WT1: variants seen among roughly 807,000 people sequenced by gnomAD.
WT1 encodes the protein WT1 transcription factor, also known as Wilms tumor protein.
A neutral mutation model predicts 60.8 loss-of-function variants in WT1; 8 were observed. The ratio of observed to expected loss-of-function variants is 0.13; its 90% CI spans 0.08 to 0.24. The LOEUF is 0.24. Among genes scored for constraint, WT1 ranks in the 10% least tolerant of loss-of-function variants. The pLI, the probability that WT1 is intolerant of heterozygous loss-of-function variation, is 1.00. For missense variants in WT1, 568 were observed against 711.8 expected (o/e 0.80, Z 2.30); for synonymous variants, 312 against 297.1 (o/e 1.05, Z -0.52).
intron 5 of WT1, among the ~76,000 whole-genome samples, chr11:32,406,712 T>G (rs1852322971): frequency 6.6e-6 from 1 of 152,222 alleles, no homozygotes; most frequent in Admixed American, 6.5e-5. Flanking sequence ...GCTTCACTTC[T>G]GGCAGTGGCC....
chr11:32,406,642 T>A (rs1041345867), intron 5 of WT1, among the ~76,000 whole-genome samples: 1 of 152,172 alleles, frequency 6.6e-6, no homozygotes, highest in African/African-American at 2.4e-5. Flanking sequence ...TATATATATT[T>A]ATTTCTATTG....
At chr11:32,403,765 C>T (rs1395473473) in intron 5 of WT1, among the ~76,000 whole-genome samples, 4 of 151,660 alleles carry the variant, frequency 2.6e-5, no homozygotes, top group African/African-American at 4.8e-5. Flanking sequence ...TTAGTAGAGA[C>T]GGGGTTTCAA....
At chr11:32,430,733 C>T (rs1050642638) in intron 1 of WT1, 12 of 1,355,774 alleles carry the variant, frequency 8.9e-6, no homozygotes, top group African/African-American at 4.4e-5. Flanking sequence ...CCTCCCAGAC[C>T]GGACACGCAG....
chr11:32,423,595 T>C (rs773157673), intron 3 of WT1, among the ~76,000 whole-genome samples: 7 of 152,206 alleles, frequency 4.6e-5, no homozygotes, highest in African/African-American at 1.7e-4. Flanking sequence ...CTTATCCATC[T>C]AGAGAGAAAG....
intron 5 of WT1, among the ~76,000 whole-genome samples, chr11:32,410,122 G>C (rs919300494): frequency 6.6e-5 from 10 of 152,108 alleles, no homozygotes; most frequent in South Asian, 4.2e-4. Context: ...TAGAGAACAG[G>C]GTTTCGCCAC....
At chr11:32,418,013 G>A (rs930545059) in intron 3 of WT1, among the ~76,000 whole-genome samples, 5 of 152,048 alleles carry the variant, frequency 3.3e-5, no homozygotes, top group Admixed American at 2.0e-4. Flanking sequence ...TTAAAAGCCT[G>A]GAGCTGAAAG....
chr11:32,388,054 T>C lies in WT1; in HGVS notation c.*1004A>G, dbSNP rs1233552547. 2.5e-5 allele frequency: 6 copies of C among 236,258 alleles called. No homozygotes were observed. Among genetic ancestry groups the C allele is most frequent in the African/African-American group, 1.3e-4 (6 of 45,028 alleles). The allele number at this position is 236,258 out of a possible 1,614,324, so 14.6% of individuals were successfully genotyped here. A position where few individuals can be genotyped will look rare whatever the true frequency, so the allele number is the denominator to read the frequency against. ...CACACACACGACCATCTTTAAACAA[T>C]GGATTTCCTCACCCAGTAAGTCTCA... On this transcript the variant is annotated 3_prime_UTR_variant, in exon 10 of 10. Coordinates refer to ENST00000452863, the MANE Select transcript of WT1 (RefSeq NM_024426.6).
rs1485992444 is a variant in WT1 at position 32,434,992 on chromosome 11, C to A, written c.369G>T (p.Ser123=). 4 of 1,509,428 alleles carry A rather than the reference C, an allele frequency of 2.7e-6. No individual in the cohort carries two copies. The highest frequency in any genetic ancestry group is 2.5e-5 in the East Asian group (1 of 40,604). 93.5% of individuals were successfully genotyped at this position (1,509,428 alleles called of 1,614,324 possible). The change falls in exon 1 of 10, where the codon TCG becomes TCT. Residue 123 remains serine (S), a synonymous_variant. Coordinates refer to ENST00000452863, the MANE Select transcript of WT1 (RefSeq NM_024426.6). ...CCGGTGGCGGCGCGGGGCCGCCCAA[C>A]GACCCGTAAGCCGAAGCGCCCGGGG... is the stretch of plus-strand genomic sequence containing the variant.
intron 6 of WT1, 146 bp from the exon 7 acceptor site, chr11:32,396,553 C>A: frequency 2.0e-6 from 2 of 1,006,478 alleles, no homozygotes; most frequent in Non-Finnish European, 3.0e-6. Context: ...ACTCCAGATC[C>A]CCATGGCAGA....
intron 6 of WT1, among the ~76,000 whole-genome samples, chr11:32,396,647 G>A (rs910452192): frequency 2.6e-5 from 4 of 152,172 alleles, no homozygotes; most frequent in African/African-American, 9.7e-5. Flanking sequence ...AGTGGCTGTT[G>A]AGATGAAACC....
Position 32,392,648 on chromosome 11 carries a change from A to G in WT1, c.1354+18T>C. The G allele has an allele frequency of 6.2e-7, 1 of 1,612,874 alleles. No homozygotes were observed. Among genetic ancestry groups the G allele is most frequent in the Non-Finnish European group, 8.5e-7 (1 of 1,178,872 alleles). On this transcript the variant is annotated intron_variant, in intron 8 of 9. Transcript: ENST00000452863. ...CAAGGGAACACAGCTGCCAGCAATG[A>G]GAAGTGAACCTACAAACCTGTATGT...
At chr11:32,431,750 T>A (rs1853320187) in intron 1 of WT1, among the ~76,000 whole-genome samples, 1 of 151,910 alleles carries the variant, frequency 6.6e-6, no homozygotes, top group Non-Finnish European at 1.5e-5. Flanking sequence ...AAGCCTTGCA[T>A]CTAGTCTGGG....
chr11:32,434,629 G>A, intron 1 of WT1, 71 bp downstream of exon 1: 2 of 1,608,090 alleles, frequency 1.2e-6, no homozygotes, highest in Non-Finnish European at 1.7e-6. Flanking sequence ...GTAGGAGAGG[G>A]GGGTGTCCTA....
At chr11:32,408,115 C>T (rs1050262602) in intron 5 of WT1, among the ~76,000 whole-genome samples, 4 of 150,606 alleles carry the variant, frequency 2.7e-5, no homozygotes, top group Non-Finnish European at 4.4e-5. Context: ...CCCAGCTACT[C>T]GGGAGGCTAA....
intron 5 of WT1, among the ~76,000 whole-genome samples, chr11:32,416,225 A>T (rs950850769): frequency 1.6e-4 from 24 of 152,184 alleles, no homozygotes; most frequent in Admixed American, 2.6e-4. Context: ...TATTTTGTGA[A>T]GTATTCACAA....
In WT1 at chr11:32,435,472, A is replaced by T; in HGVS notation, c.-112T>A. The T allele has an allele frequency of 6.9e-7, 1 of 1,439,272 alleles. No individual in the cohort carries two copies. The highest frequency in any genetic ancestry group is 9.2e-7 in the Non-Finnish European group (1 of 1,082,136). 89.2% of individuals were successfully genotyped at this position (1,439,272 alleles called of 1,614,324 possible). On this transcript the variant is annotated 5_prime_UTR_variant, in exon 1 of 10. Coordinates refer to ENST00000452863, the MANE Select transcript of WT1 (RefSeq NM_024426.6). The stretch of plus-strand genomic sequence containing the variant: ...GGGAGGGCGGGAAGTGGGGGAGCGG[A>T]CAGGCGGTCGGGTTGCGGAGAGCCC...
At chr11:32,417,359 C>G in intron 4 of WT1, 1 of 574,876 alleles carries the variant, frequency 1.7e-6, no homozygotes, top group Non-Finnish European at 3.1e-6. Context: ...CCTCAATATT[C>G]CTTGTTCCAG....
At chr11:32,389,679 G>A (rs1294279284) in intron 9 of WT1, among the ~76,000 whole-genome samples, 1 of 151,322 alleles carries the variant, frequency 6.6e-6, no homozygotes, top group African/African-American at 2.4e-5. Context: ...TAGATACCCT[G>A]GATGGGCTGG....
At chr11:32,389,657 C>G (rs75848325) in intron 9 of WT1, among the ~76,000 whole-genome samples, 23 of 152,164 alleles carry the variant, frequency 1.5e-4, no homozygotes, top group Non-Finnish European at 3.4e-4. Context: ...GCTTTTAACA[C>G]TTCTATCTGT....
Sources: allele counts gnomAD v4.1 joint callset (sites outside exome capture counted in the v4.1 genomes callset), GRCh38; gene constraint gnomAD v4.1.1; transcripts MANE v1.5; gene names NCBI Gene and HGNC (gene_info 2026-07-23, HGNC 2026-07-21).